The following SLC38A12 variants were observed in gnomAD, a reference collection of about 807,000 sequenced individuals.
SLC38A12 encodes the protein putative sodium-coupled neutral amino acid transporter 12.
chr17:74,784,956 A>G, the SLC38A12 span, among the ~76,000 whole-genome samples: 9 of 97,710 alleles, frequency 9.2e-5, no homozygotes, highest in Non-Finnish European at 1.4e-4. Flanking sequence ...TTATGCCTCA[A>G]CTTTTTTTTT....
At chr17:74,780,245 A>G in the SLC38A12 span, among the ~76,000 whole-genome samples, 17 of 152,286 alleles carry the variant, frequency 1.1e-4, 1 homozygote, top group African/African-American at 4.1e-4. Flanking sequence ...CAATTGTCAG[A>G]GGGGAAGCTG....
the SLC38A12 span, among the ~76,000 whole-genome samples, chr17:74,808,894 G>A: frequency 8.5e-5 from 13 of 152,316 alleles, no homozygotes; most frequent in Admixed American, 2.0e-4. Flanking sequence ...GCCAGGCTGC[G>A]CATCCGGTGC....
At chr17:74,831,194 C>T in the SLC38A12 span, among the ~76,000 whole-genome samples, 1 of 152,210 alleles carries the variant, frequency 6.6e-6, no homozygotes, top group African/African-American at 2.4e-5. Context: ...TCATGTACCC[C>T]ACAGCTAGTG....
chr17:74,809,488 C>A, the SLC38A12 span, among the ~76,000 whole-genome samples: 1 of 152,176 alleles, frequency 6.6e-6, no homozygotes, highest in Non-Finnish European at 1.5e-5. Flanking sequence ...TCTCGGAGCC[C>A]GCACAGGGGA....
At chr17:74,802,102 C>G in the SLC38A12 span, among the ~76,000 whole-genome samples, 1 of 152,154 alleles carries the variant, frequency 6.6e-6, no homozygotes, top group African/African-American at 2.4e-5. Flanking sequence ...TGACGCCTCC[C>G]TGAGTCACCC....
the SLC38A12 span, chr17:74,836,886 C>CA: frequency 4.4e-6 from 6 of 1,377,778 alleles, no homozygotes; most frequent in Non-Finnish European, 5.6e-6. This position sits in a 1 kb window ranked among gnomAD's most constrained non-coding sequence, Gnocchi z 4.2. Flanking sequence ...CTCCCCCGGG[C>CA]AGCTCTCCCA....
chr17:74,776,859 G>A, the SLC38A12 span, among the ~76,000 whole-genome samples: 1 of 152,198 alleles, frequency 6.6e-6, no homozygotes, highest in Non-Finnish European at 1.5e-5. Flanking sequence ...CCTGCCCTAG[G>A]CAGAGGCGGC....
At chr17:74,808,659 A>G in the SLC38A12 span, among the ~76,000 whole-genome samples, 1 of 152,164 alleles carries the variant, frequency 6.6e-6, no homozygotes, top group Admixed American at 6.5e-5. Flanking sequence ...TGTCATGTTC[A>G]GGGGCTGAGC....
At chr17:74,802,109 A>G in the SLC38A12 span, among the ~76,000 whole-genome samples, 1 of 151,666 alleles carries the variant, frequency 6.6e-6, no homozygotes, top group African/African-American at 2.4e-5. Flanking sequence ...TCCCTGAGTC[A>G]CCCTGTGACT....
At chr17:74,802,572 G>T in the SLC38A12 span, among the ~76,000 whole-genome samples, 2 of 152,138 alleles carry the variant, frequency 1.3e-5, no homozygotes, top group African/African-American at 2.4e-5. Context: ...TGCAGGTTGG[G>T]TATCCCTTCC....
chr17:74,822,704 A>T, the SLC38A12 span, among the ~76,000 whole-genome samples: 1 of 152,256 alleles, frequency 6.6e-6, no homozygotes, highest in Non-Finnish European at 1.5e-5. Flanking sequence ...CTCTCGCCAG[A>T]AGAAAAATTA....
At chr17:74,811,928 C>T in the SLC38A12 span, among the ~76,000 whole-genome samples, 507 of 151,762 alleles carry the variant, frequency 3.3e-3, 4 homozygotes, top group African/African-American at 0.011. Flanking sequence ...CATTTGTAGT[C>T]GTAGCTACTC....
the SLC38A12 span, among the ~76,000 whole-genome samples, chr17:74,815,398 T>A: frequency 6.6e-6 from 1 of 152,086 alleles, no homozygotes; most frequent in Admixed American, 6.5e-5. Flanking sequence ...CTGTACAAGG[T>A]GTTAAACAGG....
At chr17:74,777,901 C>T in the SLC38A12 span, among the ~76,000 whole-genome samples, 61 of 152,260 alleles carry the variant, frequency 4.0e-4, no homozygotes, top group African/African-American at 1.2e-3. Flanking sequence ...GCAAAAAGAG[C>T]GAAACTCTGT....
the SLC38A12 span, among the ~76,000 whole-genome samples, chr17:74,817,301 C>T: frequency 1.6e-4 from 24 of 152,208 alleles, no homozygotes; most frequent in South Asian, 5.0e-3. Flanking sequence ...CCTTCCCAAG[C>T]GTTATGGTCG....
the SLC38A12 span, among the ~76,000 whole-genome samples, chr17:74,823,763 C>T: frequency 6.6e-6 from 1 of 152,226 alleles, no homozygotes; most frequent in Non-Finnish European, 1.5e-5. Context: ...ATCAGGTCTC[C>T]GGTGGCTGCT....
the SLC38A12 span, among the ~76,000 whole-genome samples, chr17:74,809,912 C>T: frequency 6.6e-6 from 1 of 152,166 alleles, no homozygotes; most frequent in Non-Finnish European, 1.5e-5. Context: ...GAGAATGTGC[C>T]CAGAGTTCAT....
At chr17:74,799,695 G>A in the SLC38A12 span, among the ~76,000 whole-genome samples, 9 of 152,220 alleles carry the variant, frequency 5.9e-5, no homozygotes, top group Non-Finnish European at 1.3e-4. Flanking sequence ...AGCCCTGTTT[G>A]CGACAGCCCT....
At chr17:74,777,100 T>A in the SLC38A12 span, among the ~76,000 whole-genome samples, 1 of 152,252 alleles carries the variant, frequency 6.6e-6, no homozygotes, top group Non-Finnish European at 1.5e-5. Context: ...TCCAGATTTC[T>A]GTCATCCAGG....
Sources: allele counts gnomAD v4.1 joint callset (sites outside exome capture counted in the v4.1 genomes callset), GRCh38; gene constraint gnomAD v4.1.1; non-coding constraint Gnocchi (gnomAD v3.1); transcripts MANE v1.5; gene names NCBI Gene and HGNC (gene_info 2026-07-23, HGNC 2026-07-21).